FBLN7: variants seen among roughly 807,000 people sequenced by gnomAD.
FBLN7 encodes the protein fibulin 7.
FBLN7 carries 31 observed loss-of-function variants against 44.0 expected under a neutral mutation model. That is an observed-to-expected ratio of 0.70 (90% CI 0.53 to 0.95). FBLN7 has a LOEUF of 0.95. FBLN7 is among the 40% of genes least tolerant of loss of function. FBLN7 has a pLI of 0.00. For missense variants in FBLN7, 573 were observed against 618.5 expected, an observed-to-expected ratio of 0.93 and a Z score of 0.78; for synonymous variants, 262 against 253.4, an observed-to-expected ratio of 1.03 and a Z score of -0.32.
the FBLN7 span, among the ~76,000 whole-genome samples, chr2:112,201,621 G>T: frequency 6.6e-6 from 1 of 152,150 alleles, no homozygotes; most frequent in South Asian, 2.1e-4. Context: ...GCCAGGGGAG[G>T]TTGGGCAGGT....
intron 2 of FBLN7, among the ~76,000 whole-genome samples, chr2:112,160,648 G>GCACGCACACGCACACGCAGACGCACGCA (rs1558879440): frequency 9.3e-5 from 1 of 10,722 alleles, no homozygotes; most frequent in Admixed American, 9.2e-4. Context: ...ACACACACGC[G>GCACGCACACGCACACGCAGACGCACGCA]CACGCACACG....
At chr2:112,223,154 T>G in the FBLN7 span, among the ~76,000 whole-genome samples, 2 of 152,028 alleles carry the variant, frequency 1.3e-5, no homozygotes, top group East Asian at 3.9e-4. Context: ...ATATACCTAA[T>G]GTAAATGACG....
At chr2:112,226,275 A>T in the FBLN7 span, among the ~76,000 whole-genome samples, 1 of 151,796 alleles carries the variant, frequency 6.6e-6, no homozygotes, top group African/African-American at 2.4e-5. Context: ...CAGAAATTGA[A>T]TCTGTTATGT....
rs140884847 is a variant in FBLN7, at chr2:112,147,409, A to G, written c.75+8679A>G. ...TAAGTGCTTTGTTCCATAATCCACT[A>G]CAGAGCCAAGTAGTCCCCTATGATT... On this transcript the variant is annotated intron_variant, in intron 1 of 7. Transcript: ENST00000331203. 4.0e-4 allele frequency among the ~76,000 whole-genome samples: 61 copies of G among 152,354 alleles called. 1 individual carries two copies. In the East Asian group the frequency reaches 0.011, roughly 27 times the overall value.
chr2:112,169,436 C>T (rs566149576), intron 3 of FBLN7, among the ~76,000 whole-genome samples: 11 of 152,252 alleles, frequency 7.2e-5, no homozygotes, highest in East Asian at 1.9e-4. Flanking sequence ...GTTTTTAAGA[C>T]GTAAAGCTTT....
the FBLN7 span, among the ~76,000 whole-genome samples, chr2:112,237,410 T>G: frequency 6.6e-6 from 1 of 152,158 alleles, no homozygotes; most frequent in Non-Finnish European, 1.5e-5. Flanking sequence ...CTGAAAACAT[T>G]TTAAATAGAT....
At chr2:112,172,593 T>A (rs1321476728) in intron 3 of FBLN7, among the ~76,000 whole-genome samples, 1 of 151,870 alleles carries the variant, frequency 6.6e-6, no homozygotes, top group East Asian at 1.9e-4. Flanking sequence ...GGGTCAGTTT[T>A]CTCAGGTATG....
At chr2:112,170,202 A>T (rs1240474726) in intron 3 of FBLN7, among the ~76,000 whole-genome samples, 1 of 151,826 alleles carries the variant, frequency 6.6e-6, no homozygotes, top group African/African-American at 2.4e-5. Flanking sequence ...AGATCGCACC[A>T]TTGCACTCCA....
At chr2:112,231,027 T>C in the FBLN7 span, 1 of 904,638 alleles carries the variant, frequency 1.1e-6, no homozygotes, top group Non-Finnish European at 1.5e-6. Context: ...ATTCATAACT[T>C]TCAAATGATT....
At chr2:112,200,041 A>G in the FBLN7 span, among the ~76,000 whole-genome samples, 1 of 152,224 alleles carries the variant, frequency 6.6e-6, no homozygotes, top group Admixed American at 6.5e-5. Context: ...TAGCAACAGA[A>G]AACAGACAAA....
chr2:112,211,403 G>A, the FBLN7 span: 1 of 152,244 alleles, frequency 6.6e-6, no homozygotes, highest in East Asian at 1.9e-4. Context: ...GAGGAATCTT[G>A]GGAGCCATCT....
Position 112,187,398 on chromosome 2 carries a change from G to C in FBLN7, c.1212G>C (p.Gly404=), listed in dbSNP as rs772939951. ...TGATCCTTGTGCAGAACCTGGAGGG[G>C]CCTCAGACGCTGGAGGTGGACGTCG... ...GDLILVQNLE[G]PQTLEVDVDM... is the part of the protein sequence containing the mutation. Residue 404 remains glycine, a synonymous_variant, in exon 8 of 8, where the codon GGG becomes GGC. Coordinates refer to ENST00000331203, the MANE Select transcript of FBLN7 (RefSeq NM_153214.3). The surrounding 1 kb of genome is among the most constrained non-coding windows in gnomAD (Gnocchi z 5.1). The C allele has an allele frequency of 1.2e-6, 2 of 1,614,140 alleles. No homozygotes were observed. The highest frequency in any genetic ancestry group is 3.3e-5 in the Admixed American group (2 of 60,022).
intron 2 of FBLN7, among the ~76,000 whole-genome samples, chr2:112,160,281 C>T (rs1223630233): frequency 6.6e-6 from 1 of 152,194 alleles, no homozygotes; most frequent in Admixed American, 6.5e-5. Flanking sequence ...TGGGCCACCG[C>T]GCCGGGCCAA....
intron 7 of FBLN7, among the ~76,000 whole-genome samples, chr2:112,185,782 G>C (rs933139346): frequency 2.0e-5 from 3 of 151,842 alleles, no homozygotes; most frequent in Non-Finnish European, 4.4e-5. Context: ...CATATCCCGT[G>C]CACCCTGCAT....
chr2:112,185,137 G>A (rs1683204512), intron 6 of FBLN7, 64 bp from the exon 7 acceptor site: 7 of 1,570,872 alleles, frequency 4.5e-6, no homozygotes, highest in Non-Finnish European at 6.1e-6. Context: ...CCTCTCATGT[G>A]GTTCTGTCTG....
intron 3 of FBLN7, among the ~76,000 whole-genome samples, chr2:112,167,057 G>T (rs1249268018): frequency 2.6e-5 from 4 of 152,222 alleles, no homozygotes; most frequent in Non-Finnish European, 5.9e-5. Flanking sequence ...CTGCCACTCA[G>T]CAGAAGGGCT....
the FBLN7 span, chr2:112,231,814 A>G: frequency 4.2e-6 from 6 of 1,438,234 alleles, no homozygotes; most frequent in Non-Finnish European, 4.7e-6. Flanking sequence ...GAAAAAACAA[A>G]AGATTATTAA....
chr2:112,181,942 C>G (rs1039034838), intron 5 of FBLN7, 66 bp downstream of exon 5: 2 of 1,487,098 alleles, frequency 1.3e-6, no homozygotes, highest in Middle Eastern at 1.7e-4. Flanking sequence ...GGAAGGGGCT[C>G]TCACCCACCG....
Position 112,165,033 on chromosome 2 carries a change from G to C in FBLN7, c.268G>C (p.Gly90Arg). ...CCCGGCTCTGAACACCCCCGCAGAC[G>C]GCAGAAAGTTTGGAAGCAAGTACTT... The part of the protein sequence containing the change: ...SCPALNTPAD[G>R]RKFGSKYLVD... The change falls in exon 3 of 8, where the codon GGC becomes CGC. Residue 90 changes from glycine (G) to arginine (R), a missense_variant. Gly to Arg is a moderately radical substitution (Grantham distance 125). Transcript: ENST00000331203. The C allele has an allele frequency of 6.2e-7, 1 of 1,614,102 alleles. No homozygotes were observed. The highest frequency in any genetic ancestry group is 8.5e-7 in the Non-Finnish European group (1 of 1,180,034).
Sources: allele counts gnomAD v4.1 joint callset (sites outside exome capture counted in the v4.1 genomes callset), GRCh38; gene constraint gnomAD v4.1.1; non-coding constraint Gnocchi (gnomAD v3.1); transcripts MANE v1.5; gene names NCBI Gene and HGNC (gene_info 2026-07-23, HGNC 2026-07-21).